Variants in HCN1 observed in about 807,000 individuals in gnomAD.
HCN1 encodes potassium/sodium hyperpolarization-activated cyclic nucleotide-gated channel 1.
HCN1 carries 13 observed loss-of-function variants against 78.9 expected under a neutral mutation model. The observed-to-expected ratio is 0.16, with a 90% confidence interval of 0.11 to 0.26. The LOEUF (loss-of-function observed/expected upper bound fraction) is 0.26. HCN1 is among the 10% of genes least tolerant of loss of function. The probability of loss-of-function intolerance (pLI) is 1.00; values close to 1 mark genes in which losing one functional copy is unlikely to be tolerated. For missense variants in HCN1, 810 were observed against 1,154.3 expected (o/e 0.70, Z 4.32); for synonymous variants, 552 against 455.5 (o/e 1.21, Z -2.70).
At chr5:45,375,803 CTTATATATAATATAAT>C (rs1561131780) in intron 4 of HCN1, among the ~76,000 whole-genome samples, 3 of 112,316 alleles carry the variant, frequency 2.7e-5, no homozygotes, top group African/African-American at 1.1e-4. Context: ...TATGATATAT[CTTATATATAATATAAT>C]ATTTTATGAT....
At chr5:45,504,434 C>T (rs1052656785) in intron 2 of HCN1, among the ~76,000 whole-genome samples, 1 of 151,794 alleles carries the variant, frequency 6.6e-6, no homozygotes, top group Non-Finnish European at 1.5e-5. Context: ...TGAACTCATC[C>T]TTTTTTTTGG....
chr5:45,646,077 A>G (rs542427095), intron 1 of HCN1, among the ~76,000 whole-genome samples: 59 of 152,110 alleles, frequency 3.9e-4, no homozygotes, highest in African/African-American at 1.4e-3. Flanking sequence ...TAAATAGGAT[A>G]CTCTAACAAT....
At chr5:45,544,913 T>C (rs1045033410) in intron 2 of HCN1, among the ~76,000 whole-genome samples, 1 of 152,172 alleles carries the variant, frequency 6.6e-6, no homozygotes, top group Non-Finnish European at 1.5e-5. Flanking sequence ...TAAACATATG[T>C]GTGCATGTGT....
intron 4 of HCN1, among the ~76,000 whole-genome samples, chr5:45,387,396 A>G (rs904004514): frequency 9.9e-5 from 15 of 152,154 alleles, no homozygotes; most frequent in African/African-American, 3.6e-4. Flanking sequence ...AGTGATTCAC[A>G]ATAAATGATC....
At chr5:45,581,020 C>T (rs941530756) in intron 2 of HCN1, among the ~76,000 whole-genome samples, 39 of 152,086 alleles carry the variant, frequency 2.6e-4, no homozygotes, top group African/African-American at 9.4e-4. Flanking sequence ...GTCTTTATAG[C>T]AGCATGTTTT....
chr5:45,659,601 G>A (rs1156377624), intron 1 of HCN1, among the ~76,000 whole-genome samples: 303 of 146,500 alleles, frequency 2.1e-3, no homozygotes, highest in Non-Finnish European at 3.2e-3. Flanking sequence ...ATACAGAGAA[G>A]TGCTTAAAGG....
chr5:45,512,372 C>T, intron 2 of HCN1, among the ~76,000 whole-genome samples: 1 of 152,140 alleles, frequency 6.6e-6, no homozygotes, highest in East Asian at 1.9e-4. Flanking sequence ...AGATGTAACT[C>T]ATCTTTTTAC....
At chr5:45,271,672 G>T (rs946082414) in intron 6 of HCN1, among the ~76,000 whole-genome samples, 1 of 152,034 alleles carries the variant, frequency 6.6e-6, no homozygotes, top group Non-Finnish European at 1.5e-5. Context: ...GTGCCTACAT[G>T]ACAGATAGTA....
chr5:45,686,122 TA>T (rs200558622), intron 1 of HCN1, among the ~76,000 whole-genome samples: 117 of 145,728 alleles, frequency 8.0e-4, no homozygotes, highest in African/African-American at 1.9e-3. Context: ...CATATATATA[TA>T]TTTTTTTCTA....
intron 5 of HCN1, among the ~76,000 whole-genome samples, chr5:45,337,466 G>A (rs1746486733): frequency 6.6e-6 from 1 of 152,056 alleles, no homozygotes; most frequent in African/African-American, 2.4e-5. Flanking sequence ...AAGCACTACT[G>A]TTCTCTTGGC....
chr5:45,517,858 T>C (rs73101260), intron 2 of HCN1, among the ~76,000 whole-genome samples: 89 of 152,136 alleles, frequency 5.9e-4, no homozygotes, highest in African/African-American at 2.0e-3. Flanking sequence ...CATACCAGCT[T>C]CTTATGGCCT....
intron 6 of HCN1, among the ~76,000 whole-genome samples, chr5:45,281,143 G>T (rs1745155111): frequency 6.6e-6 from 1 of 152,062 alleles, no homozygotes; most frequent in Non-Finnish European, 1.5e-5. Flanking sequence ...ATATGGTTTG[G>T]CTCTGTGTCC....
At chr5:45,356,967 T>A (rs1418552135) in intron 4 of HCN1, among the ~76,000 whole-genome samples, 1 of 152,106 alleles carries the variant, frequency 6.6e-6, no homozygotes, top group African/African-American at 2.4e-5. Context: ...GTTCATCCAA[T>A]GGATTTGTTA....
intron 5 of HCN1, among the ~76,000 whole-genome samples, chr5:45,312,068 G>T (rs1745861440): frequency 1.3e-5 from 2 of 152,306 alleles, no homozygotes; most frequent in East Asian, 1.9e-4. Context: ...GATGACATGA[G>T]ATAGAAATGT....
chr5:45,556,708 T>C (rs1743476450), intron 2 of HCN1, among the ~76,000 whole-genome samples: 1 of 151,972 alleles, frequency 6.6e-6, no homozygotes. Flanking sequence ...CAAAGGTTCA[T>C]TCTCAAACTC....
At chr5:45,372,122 T>TATTA (rs1561127964) in intron 4 of HCN1, among the ~76,000 whole-genome samples, 1 of 56,100 alleles carries the variant, frequency 1.8e-5, no homozygotes, top group Non-Finnish European at 2.7e-5. Context: ...TAATTATATA[T>TATTA]TATATATATA....
At chr5:45,533,708 C>G (rs541282996) in intron 2 of HCN1, among the ~76,000 whole-genome samples, 6 of 152,310 alleles carry the variant, frequency 3.9e-5, no homozygotes, top group Non-Finnish European at 8.8e-5. Context: ...AAGGCTCTCC[C>G]TTCAGGCTAA....
chr5:45,643,439 C>A (rs1745491528), intron 2 of HCN1: 1 of 152,096 alleles, frequency 6.6e-6, no homozygotes, highest in Non-Finnish European at 1.5e-5. Flanking sequence ...CTATTCAACT[C>A]TGTTGTATTG....
At chr5:45,396,843 T>C (rs1739697349) in intron 3 of HCN1, 133 bp from the exon 4 acceptor site, 4 of 732,652 alleles carry the variant, frequency 5.5e-6, no homozygotes, top group Non-Finnish European at 9.9e-6. Context: ...CATTTACAAA[T>C]GTACTTCTCA....
Sources: gnomAD v4.1 joint callset for allele counts (sites outside exome capture counted in the v4.1 genomes callset) on GRCh38, gnomAD v4.1.1 for gene constraint, MANE v1.5 for transcripts, NCBI Gene and HGNC (gene_info 2026-07-23, HGNC 2026-07-21) for gene names.